The following ERCC3 variants were observed in gnomAD, a reference collection of about 807,000 sequenced individuals.
ERCC3 encodes the protein general transcription and DNA repair factor IIH helicase/translocase subunit XPB.
ERCC3 carries 66 observed loss-of-function variants against 94.2 expected under a neutral mutation model. The observed-to-expected ratio is 0.70, with a 90% CI of 0.57 to 0.86. The LOEUF is 0.86. Among genes scored for constraint, ERCC3 ranks in the 40% least tolerant of loss-of-function variants. The pLI is 0.00. For missense variants in ERCC3, 829 were observed against 987.1 expected, an observed-to-expected ratio of 0.84 and a Z score of 2.15; for synonymous variants, 349 against 369.1, an observed-to-expected ratio of 0.95 and a Z score of 0.63.
At chr2:127,283,834 G>A (rs1051243392) in intron 8 of ERCC3, among the ~76,000 whole-genome samples, 4 of 152,200 alleles carry the variant, frequency 2.6e-5, no homozygotes, top group African/African-American at 9.7e-5. Context: ...CCTTTTTCAA[G>A]TGCTTTTTTG....
intron 12 of ERCC3, among the ~76,000 whole-genome samples, chr2:127,263,635 G>A (rs1213099720): frequency 1.3e-5 from 2 of 151,012 alleles, no homozygotes; most frequent in Non-Finnish European, 2.9e-5. Context: ...TGCTAGACTG[G>A]TCTGAGTAGA....
intron 13 of ERCC3, chr2:127,261,001 C>T: frequency 1.8e-6 from 1 of 547,800 alleles, no homozygotes. Context: ...CAGATTCACA[C>T]AGTGCTGGTC....
At chr2:127,261,082 G>A in intron 13 of ERCC3, 146 bp downstream of exon 13, 1 of 704,068 alleles carries the variant, frequency 1.4e-6, no homozygotes, top group Non-Finnish European at 2.6e-6. Context: ...AGAGATTCAT[G>A]CAGAGATAAA....
At chr2:127,282,757 G>A (rs541873582) in intron 8 of ERCC3, among the ~76,000 whole-genome samples, 3 of 152,192 alleles carry the variant, frequency 2.0e-5, no homozygotes, top group South Asian at 2.1e-4. Flanking sequence ...GTTTCACTCC[G>A]CAACTCAACC....
Position 127,280,382 on chromosome 2 carries a change from C to T in ERCC3, c.1527+65G>A. 7.0e-7 allele frequency: 1 copy of T among 1,427,914 alleles called. No homozygotes were observed. Among genetic ancestry groups the T allele is most frequent in the Non-Finnish European group, 9.7e-7 (1 of 1,030,038 alleles). The allele number at this position is 1,427,914 out of a possible 1,614,324, so 88.5% of individuals were successfully genotyped here. ...CTGTGTCTGCCCATGAGGAATCGAT[C>T]TGATCACTCCCCTGCCCATAGGAGG... is the stretch of plus-strand genomic sequence containing the variant. On this transcript the variant is annotated intron_variant, in intron 9 of 14. Coordinates refer to ENST00000285398, the MANE Select transcript of ERCC3 (RefSeq NM_000122.2). The surrounding 1 kb of genome is among the most constrained non-coding windows in gnomAD (Gnocchi z 6.3).
rs1054425717 is a variant in ERCC3 at position 127,258,193 on chromosome 2, A to G, written c.2218-466T>C. ...ACTGATCCTCCCGCCTAGGCCTCCC[A>G]AAGTGCTGGGATTACAGACATGAGC... On this transcript the variant is annotated intron_variant, in intron 14 of 14. Coordinates refer to ENST00000285398, the MANE Select transcript of ERCC3 (RefSeq NM_000122.2). This position sits in a 1 kb window ranked among gnomAD's most constrained non-coding sequence, Gnocchi z 4.1. Among the ~76,000 whole-genome samples, 7 of 152,168 alleles carry G rather than the reference A, an allele frequency of 4.6e-5. No homozygotes were observed. The highest frequency in any genetic ancestry group is 4.6e-4 in the Admixed American group (7 of 15,280).
chr2:127,281,798 C>G (rs999780726), intron 8 of ERCC3, among the ~76,000 whole-genome samples: 1 of 151,912 alleles, frequency 6.6e-6, no homozygotes, highest in African/African-American at 2.4e-5. Context: ...ACACAGAAAA[C>G]AAAATCAGCT....
intron 12 of ERCC3, among the ~76,000 whole-genome samples, chr2:127,266,113 G>A (rs1226387030): frequency 1.3e-5 from 2 of 149,826 alleles, no homozygotes; most frequent in Non-Finnish European, 3.0e-5. Context: ...TTTATTTAGC[G>A]ATGAGGTCTC....
chr2:127,266,130 T>C (rs1215498005), intron 12 of ERCC3, among the ~76,000 whole-genome samples: 1 of 151,540 alleles, frequency 6.6e-6, no homozygotes, highest in Non-Finnish European at 1.5e-5. Flanking sequence ...TCTCGCTATG[T>C]TGCCCAGAAT....
At chr2:127,272,792 C>T in intron 11 of ERCC3, 73 bp downstream of exon 11, 3 of 929,382 alleles carry the variant, frequency 3.2e-6, no homozygotes, top group Non-Finnish European at 5.4e-6. Context: ...ATTCACTGTC[C>T]AGGAATCATA....
At chr2:127,260,941 T>C in intron 13 of ERCC3, 1 of 437,858 alleles carries the variant, frequency 2.3e-6, no homozygotes, top group Non-Finnish European at 4.3e-6. Flanking sequence ...AAGGAAGAGC[T>C]CTCCTAGCTA....
At chr2:127,263,776 C>T (rs10451530) in intron 12 of ERCC3, among the ~76,000 whole-genome samples, 13,117 of 150,210 alleles carry the variant, frequency 0.087, 755 homozygotes, top group African/African-American at 0.17. Flanking sequence ...GGCGTGATCT[C>T]GGCTCACTGC....
At chr2:127,260,547 T>A (rs1420200612) in intron 13 of ERCC3, 1 of 152,880 alleles carries the variant, frequency 6.5e-6, no homozygotes, top group East Asian at 1.9e-4. Context: ...CTAAGGCCAA[T>A]AATGGGAACT....
rs1327474913 is a variant in ERCC3, at chr2:127,280,747, G to C, written c.1343-116C>G. On this transcript the variant is annotated intron_variant, in intron 8 of 14. Transcript: ENST00000285398. This position sits in a 1 kb window ranked among gnomAD's most constrained non-coding sequence, Gnocchi z 6.3. ...TCATTATATTGCCCAGGCTGGTCTT[G>C]AACTCCTGGCCTCAAGCAATCCCCC... The C allele has an allele frequency of 1.8e-5, 18 of 989,906 alleles. No homozygotes were observed. Among genetic ancestry groups the C allele is most frequent in the Middle Eastern group, 3.1e-4 (1 of 3,234 alleles). The allele number at this position is 989,906 out of a possible 1,614,324, so 61.3% of individuals were successfully genotyped here. A position where few individuals can be genotyped will look rare whatever the true frequency, so the allele number is the denominator to read the frequency against.
chr2:127,287,624 A>G (rs1434928350), intron 7 of ERCC3, among the ~76,000 whole-genome samples: 1 of 152,038 alleles, frequency 6.6e-6, no homozygotes, highest in East Asian at 1.9e-4. Context: ...ACGGAGCAAG[A>G]CTCTGTCTCA....
rs185261063 is a variant in ERCC3, at chr2:127,278,533, T to C, written c.1730+640A>G. Among the ~76,000 whole-genome samples, 303 of 152,316 alleles carry C rather than the reference T, an allele frequency of 2.0e-3. 2 individuals are homozygous for C. Among genetic ancestry groups the C allele is most frequent in the African/African-American group, 7.1e-3 (296 of 41,562 alleles). ...AAGTGAGGATTAAGTAAAACCTATG[T>C]ATAGTACCCATAGCACATAGCTTGA... On this transcript the variant is annotated intron_variant, in intron 10 of 14. Coordinates refer to ENST00000285398, the MANE Select transcript of ERCC3 (RefSeq NM_000122.2).
At chr2:127,273,088 CGTT>C in intron 10 of ERCC3, 127 bp from the exon 11 acceptor site, 1 of 654,556 alleles carries the variant, frequency 1.5e-6, no homozygotes, top group Non-Finnish European at 2.8e-6. Flanking sequence ...GTAGGAATAT[CGTT>C]ACACCCAAAA....
Position 127,273,029 on chromosome 2 carries a change from G to A in ERCC3, c.1731-68C>T, listed in dbSNP as rs1016838002. On this transcript the variant is annotated intron_variant, in intron 10 of 14. Transcript: ENST00000285398. ...CAGTTATCTTGAAAACACATCAGAGGGAAAAAGGAGCTCAGGCTAGCTCTT... is the reference window on the plus strand; with the variant it reads ...CAGTTATCTTGAAAACACATCAGAGAGAAAAAGGAGCTCAGGCTAGCTCTT... 4.0e-6 allele frequency: 4 copies of A among 988,662 alleles called. No individual in the cohort carries two copies. The African/African-American group carries it at 6.4e-5, about 16-fold the overall frequency. The allele number at this position is 988,662 out of a possible 1,614,324, so 61.2% of individuals were successfully genotyped here. A position where few individuals can be genotyped will look rare whatever the true frequency, so the allele number is the denominator to read the frequency against.
chr2:127,274,743 G>C lies in ERCC3; in HGVS notation c.1731-1782C>G, dbSNP rs1573943479. Among the ~76,000 whole-genome samples the C allele has an allele frequency of 6.6e-6, 1 of 152,164 alleles. No individual in the cohort carries two copies. The highest frequency in any genetic ancestry group is 2.4e-5 in the African/African-American group (1 of 41,432). ...CTGACTCTTGAGACCCAGGTTTTTA[G>C]GTGGTTTTCTCCTCCCCCATCACCA... On this transcript the variant is annotated intron_variant, in intron 10 of 14. Coordinates refer to ENST00000285398, the MANE Select transcript of ERCC3 (RefSeq NM_000122.2). The surrounding 1 kb of genome is among the most constrained non-coding windows in gnomAD (Gnocchi z 4.0).
Sources: allele counts gnomAD v4.1 joint callset (sites outside exome capture counted in the v4.1 genomes callset), GRCh38; gene constraint gnomAD v4.1.1; non-coding constraint Gnocchi (gnomAD v3.1); transcripts MANE v1.5; gene names NCBI Gene and HGNC (gene_info 2026-07-23, HGNC 2026-07-21).